CA10: variants seen among roughly 807,000 people sequenced by gnomAD.
CA10 encodes carbonic anhydrase 10 (inactive).
Under a neutral mutation model 44.2 loss-of-function variants are expected in CA10, and 14 were observed. The observed-to-expected ratio is 0.32, with a 90% CI of 0.21 to 0.50. CA10 has a LOEUF of 0.50. Ranked by LOEUF, CA10 falls within the 20% of genes least tolerant of loss-of-function variation. CA10 has a pLI of 0.99. For missense variants in CA10, 350 were observed against 409.7 expected, an observed-to-expected ratio of 0.85 and a Z score of 1.26; for synonymous variants, 159 against 141.6, an observed-to-expected ratio of 1.12 and a Z score of -0.87.
rs191762704 is a variant in CA10 at position 51,634,530 on chromosome 17, A to G, written c.790-880T>C. Among the ~76,000 whole-genome samples, 9 of 152,216 alleles carry G rather than the reference A, an allele frequency of 5.9e-5. No homozygotes were observed. The East Asian group carries it at 1.7e-3, about 29-fold the overall frequency. On this transcript the variant is annotated intron_variant, in intron 7 of 8. Transcript: ENST00000451037. ...GTCAGAGCTGGAGCAAACTCATGTA[A>G]TTTATCCCCCTCTCAATAAAGAAGA...
At chr17:51,726,446 TCAC>T (rs149792339) in intron 4 of CA10, among the ~76,000 whole-genome samples, 1,754 of 152,306 alleles carry the variant, frequency 0.012, 21 homozygotes, top group African/African-American at 0.04. Flanking sequence ...TTAAGTATTC[TCAC>T]CACAAGAAAA....
At chr17:52,000,871 G>C (rs566932376) in intron 2 of CA10, among the ~76,000 whole-genome samples, 1 of 141,202 alleles carries the variant, frequency 7.1e-6, no homozygotes, top group African/African-American at 2.6e-5. Context: ...ACGGTAATGA[G>C]GATTAAAATC....
In CA10 at chr17:51,698,255, G is replaced by A. The variant is rs61199477; in HGVS notation, c.466-44519C>T. ...AAAATGCTCTGCTCCCTCACCTTCC[G>A]TCTGGCTGGCTCATCTGGACCCTGA... On this transcript the variant is annotated intron_variant, in intron 4 of 8. Transcript: ENST00000451037. Among the ~76,000 whole-genome samples the A allele has an allele frequency of 9.2e-3, 1,396 of 152,258 alleles. 26 individuals are homozygous for A. The highest frequency in any genetic ancestry group is 0.032 in the African/African-American group (1,323 of 41,546).
At chr17:51,988,420 G>A (rs548801074) in intron 2 of CA10, among the ~76,000 whole-genome samples, 72 of 151,928 alleles carry the variant, frequency 4.7e-4, no homozygotes, top group Non-Finnish European at 9.9e-4. Flanking sequence ...CTCATAAAAG[G>A]AGGTTAAAAA....
At chr17:51,847,276 G>A (rs1032298280) in intron 3 of CA10, among the ~76,000 whole-genome samples, 1 of 152,158 alleles carries the variant, frequency 6.6e-6, no homozygotes, top group African/African-American at 2.4e-5. Context: ...CTTCCCTCTT[G>A]CAGGGAAATC....
chr17:51,871,237 ATTTATTTAT>A (rs1979795925), intron 3 of CA10, among the ~76,000 whole-genome samples: 1 of 146,486 alleles, frequency 6.8e-6, no homozygotes, highest in Non-Finnish European at 1.5e-5. Flanking sequence ...TTATTTATTT[ATTTATTTAT>A]TTAAGATGGA....
chr17:51,937,863 T>C lies in CA10; in HGVS notation c.137-6731A>G, dbSNP rs911228198. On this transcript the variant is annotated intron_variant, in intron 2 of 8. Transcript: ENST00000451037. ...GTAAGCCTTACTCATAGAGAGTGCA[T>C]TATTTTAATCCTATTGCTTTAGGTG... 2.6e-5 allele frequency among the ~76,000 whole-genome samples: 4 copies of C among 152,170 alleles called. No individual in the cohort carries two copies. The East Asian group carries it at 7.7e-4, about 29-fold the overall frequency.
intron 2 of CA10, among the ~76,000 whole-genome samples, chr17:52,044,351 TG>T (rs1368405981): frequency 1.3e-5 from 2 of 152,114 alleles, no homozygotes; most frequent in African/African-American, 4.8e-5. Context: ...TTGCCCATGC[TG>T]GGGTACAGTT....
intron 4 of CA10, among the ~76,000 whole-genome samples, chr17:51,736,058 AT>A (rs1013474057): frequency 5.3e-5 from 8 of 152,024 alleles, no homozygotes; most frequent in Admixed American, 1.3e-4. Flanking sequence ...AAATTCTTAA[AT>A]TTTTTTTGTA....
chr17:52,135,715 A>T (rs577028540), intron 1 of CA10, among the ~76,000 whole-genome samples: 6 of 152,242 alleles, frequency 3.9e-5, no homozygotes, highest in African/African-American at 1.4e-4. Context: ...CAAATTTATG[A>T]ATCTTGTCAT....
intron 1 of CA10, among the ~76,000 whole-genome samples, chr17:52,152,960 C>G (rs1989733825): frequency 1.3e-5 from 2 of 152,050 alleles, no homozygotes; most frequent in Admixed American, 1.3e-4. Context: ...CTTCTGATTT[C>G]CATACTCTTT....
At chr17:51,740,370 C>T (rs1904407871) in intron 4 of CA10, among the ~76,000 whole-genome samples, 1 of 152,148 alleles carries the variant, frequency 6.6e-6, no homozygotes, top group Admixed American at 6.5e-5. Context: ...GGGCCCAGAG[C>T]AGATGCGTAA....
intron 3 of CA10, among the ~76,000 whole-genome samples, chr17:51,839,705 C>T (rs1367137311): frequency 6.6e-6 from 1 of 151,894 alleles, no homozygotes; most frequent in Non-Finnish European, 1.5e-5. Context: ...AGAGATTGGC[C>T]TATAATCGAC....
At chr17:51,902,224 C>T (rs745461735) in intron 3 of CA10, among the ~76,000 whole-genome samples, 7 of 152,090 alleles carry the variant, frequency 4.6e-5, no homozygotes, top group Non-Finnish European at 1.0e-4. Context: ...TTAGATTTTG[C>T]TATTCATCAG....
chr17:52,058,596 G>C (rs1234927994), intron 2 of CA10, among the ~76,000 whole-genome samples: 1 of 152,116 alleles, frequency 6.6e-6, no homozygotes, highest in African/African-American at 2.4e-5. Flanking sequence ...ACTGCTTACT[G>C]GTTACATGAA....
intron 1 of CA10, among the ~76,000 whole-genome samples, chr17:52,156,006 C>A (rs148186799): frequency 6.6e-6 from 1 of 152,136 alleles, no homozygotes; most frequent in East Asian, 1.9e-4. Flanking sequence ...GATTGCCTGG[C>A]GAAATTCAGG....
At chr17:51,979,083 CCTT>C (rs1359867993) in intron 2 of CA10, among the ~76,000 whole-genome samples, 6 of 152,066 alleles carry the variant, frequency 3.9e-5, no homozygotes, top group Non-Finnish European at 7.4e-5. Flanking sequence ...TGTGGTGTCT[CCTT>C]CTCTAGGACC....
chr17:52,154,050 G>A (rs892152046), intron 1 of CA10, among the ~76,000 whole-genome samples: 6 of 152,116 alleles, frequency 3.9e-5, no homozygotes, highest in Non-Finnish European at 7.4e-5. Flanking sequence ...GATTGACAGG[G>A]TAATGTACAA....
At chr17:51,832,577 A>G (rs1269512756) in intron 3 of CA10, among the ~76,000 whole-genome samples, 10 of 152,218 alleles carry the variant, frequency 6.6e-5, no homozygotes, top group African/African-American at 2.4e-4. Context: ...TCATCCAGTT[A>G]TACCTGGGCT....
Sources: allele counts gnomAD v4.1 joint callset (sites outside exome capture counted in the v4.1 genomes callset), GRCh38; gene constraint gnomAD v4.1.1; transcripts MANE v1.5; gene names NCBI Gene and HGNC (gene_info 2026-07-23, HGNC 2026-07-21).